Variants in MYO1D observed in about 807,000 individuals in gnomAD.
MYO1D encodes unconventional myosin-Id.
MYO1D carries 83 observed loss-of-function variants against 122.0 expected under a neutral mutation model. The observed-to-expected ratio is 0.68, with a 90% CI of 0.57 to 0.82. The LOEUF (loss-of-function observed/expected upper bound fraction) is 0.82. Ranked by LOEUF, MYO1D falls within the 40% of genes least tolerant of loss-of-function variation. MYO1D has a pLI of 0.00. For missense variants in MYO1D, 1,157 were observed against 1,269.5 expected (o/e 0.91, Z 1.35); for synonymous variants, 464 against 446.9 (o/e 1.04, Z -0.48).
At chr17:32,653,739 C>T in intron 19 of MYO1D, 104 bp downstream of exon 19, 1 of 898,018 alleles carries the variant, frequency 1.1e-6, no homozygotes, top group Non-Finnish European at 1.7e-6. Flanking sequence ...GATGATGAAG[C>T]TAGTTATGTA....
chr17:32,868,317 G>A (rs751992473), intron 1 of MYO1D, among the ~76,000 whole-genome samples: 1 of 152,154 alleles, frequency 6.6e-6, no homozygotes, highest in Non-Finnish European at 1.5e-5. Context: ...CATCTTTATA[G>A]ATGAAAAAAC....
At chr17:32,638,625 AG>A in intron 20 of MYO1D, 96 bp downstream of exon 20, 1 of 709,300 alleles carries the variant, frequency 1.4e-6, no homozygotes, top group Non-Finnish European at 2.3e-6. Context: ...GGCATCCTAA[AG>A]CCCCAAAGAT....
At chr17:32,699,351 G>T (rs1220060514) in intron 16 of MYO1D, among the ~76,000 whole-genome samples, 2 of 152,244 alleles carry the variant, frequency 1.3e-5, no homozygotes, top group East Asian at 3.9e-4. Flanking sequence ...TCAAGTTTCT[G>T]AAATATATGG....
At chr17:32,738,106 G>A in intron 14 of MYO1D, 147 bp downstream of exon 14, 1 of 644,042 alleles carries the variant, frequency 1.6e-6, no homozygotes, top group Non-Finnish European at 2.3e-6. Flanking sequence ...AAAAATGCAG[G>A]AATAAAAATT....
At chr17:32,572,916 T>C (rs1380741157) in intron 21 of MYO1D, among the ~76,000 whole-genome samples, 2 of 152,136 alleles carry the variant, frequency 1.3e-5, no homozygotes, top group African/African-American at 4.8e-5. Flanking sequence ...TCTTTCATGT[T>C]ACCCTATTTC....
In MYO1D at chr17:32,869,707, T is replaced by G. The variant is rs545479816; in HGVS notation, c.95+7071A>C. On this transcript the variant is annotated intron_variant, in intron 1 of 21. Transcript: ENST00000318217. Reference sequence around the variant, plus strand: ...ATTTCTAGCTATATCAGATTCAACATTTTTGTCTCAAAGTTAAGCAAAAAG... The same window carrying G: ...ATTTCTAGCTATATCAGATTCAACAGTTTTGTCTCAAAGTTAAGCAAAAAG... Among the ~76,000 whole-genome samples, 10 of 152,288 alleles carry G rather than the reference T, an allele frequency of 6.6e-5. No individual in the cohort carries two copies. The South Asian group carries it at 2.1e-3, about 32-fold the overall frequency.
chr17:32,509,720 C>A (rs182539525), intron 21 of MYO1D, among the ~76,000 whole-genome samples: 18 of 152,254 alleles, frequency 1.2e-4, no homozygotes, highest in Admixed American at 7.8e-4. Flanking sequence ...TCCTGAGTAG[C>A]TGGGACTATA....
intron 1 of MYO1D, among the ~76,000 whole-genome samples, chr17:32,864,007 CTTTTTTTTTTTTTTTTTTTTT>C (rs560953120): frequency 1.4e-3 from 67 of 48,970 alleles, no homozygotes; most frequent in Admixed American, 6.8e-3. Context: ...ACATTTCTTC[CTTTTTTTTTTTTTTTTTTTTT>C]TTTTTTTTTT....
intron 21 of MYO1D, among the ~76,000 whole-genome samples, chr17:32,591,029 T>C (rs2087434154): frequency 6.6e-6 from 1 of 152,222 alleles, no homozygotes; most frequent in Non-Finnish European, 1.5e-5. Context: ...TAAGAATCTT[T>C]GATTTGCACA....
chr17:32,767,494 C>T, intron 7 of MYO1D, 142 bp downstream of exon 7: 1 of 543,308 alleles, frequency 1.8e-6, no homozygotes, highest in Non-Finnish European at 3.2e-6. Flanking sequence ...TGGCAAGAAC[C>T]ACAGACATAG....
chr17:32,643,622 T>G (rs975810298), intron 19 of MYO1D, among the ~76,000 whole-genome samples: 1 of 152,238 alleles, frequency 6.6e-6, no homozygotes, highest in South Asian at 2.1e-4. Context: ...TATTAAGAGA[T>G]TCACCTTCTT....
intron 1 of MYO1D, among the ~76,000 whole-genome samples, chr17:32,799,984 A>G (rs2090447324): frequency 6.6e-6 from 1 of 152,194 alleles, no homozygotes; most frequent in South Asian, 2.1e-4. Context: ...TAAAACCAAA[A>G]TGAGGTATCA....
intron 7 of MYO1D, among the ~76,000 whole-genome samples, chr17:32,765,764 C>T (rs1158632388): frequency 6.6e-6 from 1 of 151,908 alleles, no homozygotes; most frequent in Non-Finnish European, 1.5e-5. Context: ...GGCCTTTTTC[C>T]TTAAACTTTT....
chr17:32,785,076 A>C (rs1282420510), intron 1 of MYO1D, among the ~76,000 whole-genome samples: 1 of 152,218 alleles, frequency 6.6e-6, no homozygotes, highest in Non-Finnish European at 1.5e-5. Context: ...AGGAGAAATG[A>C]GGAAAGGAAA....
At chr17:32,769,296 G>A (rs2090090739) in intron 6 of MYO1D, among the ~76,000 whole-genome samples, 1 of 152,188 alleles carries the variant, frequency 6.6e-6, no homozygotes, top group Non-Finnish European at 1.5e-5. Flanking sequence ...TAAGAGGACA[G>A]AGCTGTCCAT....
At chr17:32,848,738 T>C (rs549581069) in intron 1 of MYO1D, among the ~76,000 whole-genome samples, 2 of 152,280 alleles carry the variant, frequency 1.3e-5, no homozygotes, top group East Asian at 1.9e-4. Flanking sequence ...ACTGGTGCCG[T>C]TGCTACCTAA....
chr17:32,846,338 G>T (rs61059704), intron 1 of MYO1D, among the ~76,000 whole-genome samples: 7,947 of 152,250 alleles, frequency 0.052, 646 homozygotes, highest in African/African-American at 0.18. Flanking sequence ...ATCACACACA[G>T]GACTATTAAT....
At position 32,721,176 on chromosome 17, in the gene MYO1D, A is replaced by T. The variant is rs1228814708; in HGVS notation, c.1760T>A (p.Val587Asp). ...CTTGTCATTGGGTTTGATGCAACGAACGTAATATGGTTCCTAAAGAAATAA... is the reference window on the plus strand; with the variant it reads ...CTTGTCATTGGGTTTGATGCAACGATCGTAATATGGTTCCTAAAGAAATAA... Reference protein sequence around the residue: ...DNLASKEPYYVRCIKPNDKKS... With the variant: ...DNLASKEPYYDRCIKPNDKKS... The change falls in exon 15 of 22, where the codon GTT becomes GAT. Residue 587 changes from valine (V) to aspartate (D), a missense_variant. Val to Asp is a radical substitution (Grantham distance 152). Transcript: ENST00000318217. The T allele has an allele frequency of 6.2e-7, 1 of 1,613,566 alleles. No individual in the cohort carries two copies. Among genetic ancestry groups the T allele is most frequent in the Non-Finnish European group, 8.5e-7 (1 of 1,179,856 alleles).
intron 1 of MYO1D, among the ~76,000 whole-genome samples, chr17:32,812,480 C>T (rs2090580746): frequency 6.6e-6 from 1 of 152,190 alleles, no homozygotes; most frequent in Admixed American, 6.5e-5. Flanking sequence ...GATAGAGCCA[C>T]AGTTCAAACC....
Sources: allele counts gnomAD v4.1 joint callset (sites outside exome capture counted in the v4.1 genomes callset), GRCh38; gene constraint gnomAD v4.1.1; transcripts MANE v1.5; gene names NCBI Gene and HGNC (gene_info 2026-07-23, HGNC 2026-07-21).